Variants in AJAP1 observed in about 807,000 individuals in gnomAD.
AJAP1 encodes the protein adherens junction-associated protein 1.
AJAP1 carries 5 observed loss-of-function variants against 35.0 expected under a neutral mutation model. The ratio of observed to expected loss-of-function variants is 0.14; its 90% CI spans 0.07 to 0.30. The LOEUF (loss-of-function observed/expected upper bound fraction) is 0.30. Ranked by LOEUF, AJAP1 falls within the 10% of genes least tolerant of loss-of-function variation. AJAP1 has a pLI of 1.00. For missense variants in AJAP1, 586 were observed against 571.0 expected (o/e 1.03, Z -0.27); for synonymous variants, 284 against 249.3 (o/e 1.14, Z -1.31).
intron 1 of AJAP1, among the ~76,000 whole-genome samples, chr1:4,666,952 C>T (rs935770548): frequency 4.1e-5 from 6 of 147,974 alleles, no homozygotes; most frequent in African/African-American, 1.5e-4. Flanking sequence ...GCCCATGAAT[C>T]ACGGAGGGGT....
chr1:4,710,073 C>T (rs1164681991), intron 1 of AJAP1, among the ~76,000 whole-genome samples: 1 of 152,124 alleles, frequency 6.6e-6, no homozygotes, highest in African/African-American at 2.4e-5. Flanking sequence ...CACATAGAGT[C>T]TCTCACACAG....
chr1:4,778,325 G>A (rs1355802040), intron 5 of AJAP1, among the ~76,000 whole-genome samples: 1 of 152,170 alleles, frequency 6.6e-6, no homozygotes, highest in Non-Finnish European at 1.5e-5. Flanking sequence ...TTCCCAGCTG[G>A]CCTGGGATCC....
In AJAP1 at chr1:4,788,062, CTG is replaced by C; in HGVS notation, c.*5578_*5579del. On this transcript the variant is annotated 3_prime_UTR_variant, in exon 6 of 6. Coordinates refer to ENST00000378191, the MANE Select transcript of AJAP1 (RefSeq NM_018836.4). ...CACATAAATGAGCGAAACTCATCAT[CTG>C]AGGATCTTTGATTATTCTTCCCCAC... 3.9e-6 allele frequency: 1 copy of C among 255,166 alleles called. No homozygotes were observed. The highest frequency in any genetic ancestry group is 7.8e-6 in the Non-Finnish European group (1 of 127,448). 15.8% of individuals were successfully genotyped at this position (255,166 alleles called of 1,614,324 possible).
intron 2 of AJAP1, among the ~76,000 whole-genome samples, chr1:4,740,415 GAAA>G (rs1641033085): frequency 3.1e-5 from 1 of 32,000 alleles, no homozygotes; most frequent in Non-Finnish European, 7.2e-5. Flanking sequence ...TTGGGAAAAT[GAAA>G]AAGTTCTGGA....
rs543546223 is a variant in AJAP1, at chr1:4,672,857, C to T, written c.29+17403C>T. Among the ~76,000 whole-genome samples the T allele has an allele frequency of 1.2e-4, 19 of 152,272 alleles. No individual in the cohort carries two copies. The East Asian group carries it at 2.9e-3, about 23-fold the overall frequency. ...GTAGGGAGATCATCCTCAATTATTC[C>T]CAGTGGGTCCAGTGTCATCACCGGA... On this transcript the variant is annotated intron_variant, in intron 1 of 5. Transcript: ENST00000378191.
intron 1 of AJAP1, among the ~76,000 whole-genome samples, chr1:4,679,968 A>G (rs1639448541): frequency 6.6e-6 from 1 of 152,138 alleles, no homozygotes; most frequent in South Asian, 2.1e-4. Flanking sequence ...CTCTCATTTA[A>G]TACTGTAGAA....
intron 1 of AJAP1, among the ~76,000 whole-genome samples, chr1:4,673,934 TAAAAGAA>T (rs1024769493): frequency 6.9e-6 from 1 of 143,996 alleles, no homozygotes; most frequent in Non-Finnish European, 1.5e-5. Flanking sequence ...GGCTGCCAGA[TAAAAGAA>T]AACAGGATGC....
chr1:4,771,388 C>A (rs1641830128), intron 3 of AJAP1, among the ~76,000 whole-genome samples: 1 of 152,190 alleles, frequency 6.6e-6, no homozygotes, highest in African/African-American at 2.4e-5. Flanking sequence ...GCGCATCCCC[C>A]CTGCCCCTTG....
rs371719707 is a variant in AJAP1 at position 4,787,353 on chromosome 1, G to C, written c.*4868G>C. The C allele has an allele frequency of 4.1e-6, 1 of 244,774 alleles. No individual in the cohort carries two copies. 15.2% of individuals were successfully genotyped at this position (244,774 alleles called of 1,614,324 possible). On this transcript the variant is annotated 3_prime_UTR_variant, in exon 6 of 6. Coordinates refer to ENST00000378191, the MANE Select transcript of AJAP1 (RefSeq NM_018836.4). ...GGAGAGAGGGGAAGAGGGAGAGAGT[G>C]GGGGGCATTGAAGGGGAAGAAAGAG...
chr1:4,725,484 G>A (rs1461926270), intron 2 of AJAP1, among the ~76,000 whole-genome samples: 2 of 152,106 alleles, frequency 1.3e-5, no homozygotes, highest in African/African-American at 4.8e-5. Context: ...TTAATGAATA[G>A]GTAGACTCCC....
rs1642159770 is a variant in AJAP1, at chr1:4,786,229, C to T, written c.*3744C>T. 6.6e-6 allele frequency: 1 copy of T among 152,144 alleles called. No homozygotes were observed. Among genetic ancestry groups the T allele is most frequent in the African/African-American group, 2.4e-5 (1 of 41,432 alleles). 9.4% of individuals were successfully genotyped at this position (152,144 alleles called of 1,614,324 possible). On this transcript the variant is annotated 3_prime_UTR_variant, in exon 6 of 6. Coordinates refer to ENST00000378191, the MANE Select transcript of AJAP1 (RefSeq NM_018836.4). ...GTTCCTATTTACTGCCCTCCTTGCACACAGAAGGGAGAGGCCACTTAGGGG... is the reference window on the plus strand; with the variant it reads ...GTTCCTATTTACTGCCCTCCTTGCATACAGAAGGGAGAGGCCACTTAGGGG...
chr1:4,669,525 C>T (rs1639205982), intron 1 of AJAP1, among the ~76,000 whole-genome samples: 1 of 152,130 alleles, frequency 6.6e-6, no homozygotes, highest in South Asian at 2.1e-4. Flanking sequence ...CTCATGAGCA[C>T]TCACTCACTA....
At chr1:4,671,807 G>A (rs1207446417) in intron 1 of AJAP1, among the ~76,000 whole-genome samples, 1 of 152,224 alleles carries the variant, frequency 6.6e-6, no homozygotes, top group Non-Finnish European at 1.5e-5. Context: ...ACCAGAAAAT[G>A]TAATTAATGG....
intron 1 of AJAP1, among the ~76,000 whole-genome samples, chr1:4,711,606 C>T (rs375327950): frequency 9.9e-5 from 15 of 152,212 alleles, no homozygotes; most frequent in Admixed American, 1.3e-4. Context: ...TTTTCGCTCG[C>T]GTGAAATGGA....
Position 4,712,715 on chromosome 1 carries a change from T to G in AJAP1, c.829+16T>G, listed in dbSNP as rs531343223. 8.4e-5 allele frequency: 126 copies of G among 1,502,492 alleles called. No homozygotes were observed. Among genetic ancestry groups the G allele is most frequent in the Middle Eastern group, 7.2e-4 (4 of 5,542 alleles). 93.1% of individuals were successfully genotyped at this position (1,502,492 alleles called of 1,614,324 possible). ...GAGGCCTCAGGTACAGCCATCTCTC[T>G]TCTGGTTTGGGTTTGCTTGGGGTTG... On this transcript the variant is annotated intron_variant, in intron 2 of 5. Coordinates refer to ENST00000378191, the MANE Select transcript of AJAP1 (RefSeq NM_018836.4).
chr1:4,771,511 A>T (rs1641835796), intron 3 of AJAP1, among the ~76,000 whole-genome samples: 2 of 152,132 alleles, frequency 1.3e-5, no homozygotes, highest in South Asian at 4.1e-4. Context: ...GCAGCAGGGG[A>T]GGGGCCTCCC....
intron 2 of AJAP1, among the ~76,000 whole-genome samples, chr1:4,721,166 G>T (rs1481484791): frequency 6.6e-6 from 1 of 152,238 alleles, no homozygotes; most frequent in Non-Finnish European, 1.5e-5. Context: ...GGGGGTAGGA[G>T]GGGGATCTGC....
rs1404713559 is a variant in AJAP1 at position 4,783,435 on chromosome 1, C to A, written c.*950C>A. 1.5e-5 allele frequency: 2 copies of A among 131,304 alleles called. No individual in the cohort carries two copies. Among genetic ancestry groups the A allele is most frequent in the African/African-American group, 2.9e-5 (1 of 34,168 alleles). The allele number at this position is 131,304 out of a possible 1,614,324, so 8.1% of individuals were successfully genotyped here. A position where few individuals can be genotyped will look rare whatever the true frequency, so the allele number is the denominator to read the frequency against. ...AAATGTGTGACTTACTATCTTGGGC[C>A]AGAACTAAGAATGCCAAGGTTTTAT... On this transcript the variant is annotated 3_prime_UTR_variant, in exon 6 of 6. Coordinates refer to ENST00000378191, the MANE Select transcript of AJAP1 (RefSeq NM_018836.4).
chr1:4,773,249 G>A (rs1392834205), intron 4 of AJAP1, among the ~76,000 whole-genome samples: 1 of 152,194 alleles, frequency 6.6e-6, no homozygotes, highest in Non-Finnish European at 1.5e-5. Context: ...AATAGAATTA[G>A]CAGCCAGGGT....
Sources: gnomAD v4.1 joint callset for allele counts (sites outside exome capture counted in the v4.1 genomes callset) on GRCh38, gnomAD v4.1.1 for gene constraint, MANE v1.5 for transcripts, NCBI Gene and HGNC (gene_info 2026-07-23, HGNC 2026-07-21) for gene names.